Variants in ZNF385D observed in about 807,000 individuals in gnomAD.
ZNF385D encodes zinc finger protein 385D.
In ZNF385D, 15 loss-of-function variants were observed where a neutral mutation model predicts 35.8. The ratio of observed to expected loss-of-function variants is 0.42; its 90% CI spans 0.28 to 0.64. The LOEUF (loss-of-function observed/expected upper bound fraction) is 0.64, where lower values mean the gene tolerates loss of function less well. Among genes scored for constraint, ZNF385D ranks in the 30% least tolerant of loss-of-function variants. The pLI, the probability that ZNF385D is intolerant of heterozygous loss-of-function variation, is 0.23. For synonymous variants in ZNF385D, 212 were observed against 186.8 expected (o/e 1.13, Z -1.10); for missense variants, 474 against 494.6 (o/e 0.96, Z 0.39).
intron 2 of ZNF385D, among the ~76,000 whole-genome samples, chr3:22,303,815 T>C (rs1703053106): frequency 6.6e-6 from 1 of 152,174 alleles, no homozygotes; most frequent in South Asian, 2.1e-4. Context: ...TTTGCTCTTG[T>C]TGCCCAGGAT....
intron 3 of ZNF385D, among the ~76,000 whole-genome samples, chr3:22,083,455 A>C (rs893783788): frequency 6.6e-6 from 1 of 152,230 alleles, no homozygotes; most frequent in Non-Finnish European, 1.5e-5. Flanking sequence ...TCAGTAGCTG[A>C]TTCGATCAAC....
At chr3:21,869,849 T>C (rs1350533028) in intron 3 of ZNF385D, among the ~76,000 whole-genome samples, 1 of 152,050 alleles carries the variant, frequency 6.6e-6, no homozygotes. Flanking sequence ...TTAGAAGTAG[T>C]TCAATAAAGT....
chr3:21,855,668 G>A (rs1696669961), intron 3 of ZNF385D, among the ~76,000 whole-genome samples: 1 of 151,920 alleles, frequency 6.6e-6, no homozygotes, highest in Admixed American at 6.6e-5. Context: ...TCTCCATTTA[G>A]TCTACCCCCA....
At chr3:22,121,157 GAA>G (rs757130070) in intron 3 of ZNF385D, among the ~76,000 whole-genome samples, 1 of 152,168 alleles carries the variant, frequency 6.6e-6, no homozygotes, top group Non-Finnish European at 1.5e-5. Context: ...GCCAAAATCT[GAA>G]GAAGCATAAT....
chr3:22,335,463 C>T (rs1449825738), intron 2 of ZNF385D, among the ~76,000 whole-genome samples: 1 of 152,060 alleles, frequency 6.6e-6, no homozygotes, highest in East Asian at 1.9e-4. Flanking sequence ...TGTCTGATTC[C>T]TGACATCATT....
At chr3:21,941,560 T>G (rs912599030) in intron 3 of ZNF385D, among the ~76,000 whole-genome samples, 1 of 145,300 alleles carries the variant, frequency 6.9e-6, no homozygotes, top group African/African-American at 2.6e-5. Flanking sequence ...TGCAGTGGCA[T>G]GATCTCGGCT....
chr3:21,902,122 A>C (rs1018132684), intron 3 of ZNF385D, among the ~76,000 whole-genome samples: 2 of 152,126 alleles, frequency 1.3e-5, no homozygotes, highest in African/African-American at 2.4e-5. Context: ...TCATGACAAA[A>C]CATTTGTAGA....
chr3:21,578,240 T>A (rs1217596719), intron 2 of ZNF385D, among the ~76,000 whole-genome samples: 1 of 152,216 alleles, frequency 6.6e-6, no homozygotes, highest in Non-Finnish European at 1.5e-5. Context: ...CCTTGTTGAA[T>A]GAATAGTTTG....
chr3:21,757,835 G>T (rs9824595), intron 3 of ZNF385D, among the ~76,000 whole-genome samples: 103,520 of 152,096 alleles, frequency 0.68, 36,293 homozygotes, highest in East Asian at 0.9. Flanking sequence ...TAGACATAAA[G>T]GCAGAGACAT....
intron 4 of ZNF385D, among the ~76,000 whole-genome samples, chr3:21,437,701 C>CAAAGAAAAAAA (rs1553632263): frequency 1.0e-4 from 8 of 77,196 alleles, no homozygotes; most frequent in Non-Finnish European, 1.4e-4. Context: ...AATGCTTATA[C>CAAAGAAAAAAA]AAAAAAAAAA....
intron 1 of ZNF385D, among the ~76,000 whole-genome samples, chr3:21,694,643 T>A (rs2067408187): frequency 6.6e-6 from 1 of 152,204 alleles, no homozygotes; most frequent in Non-Finnish European, 1.5e-5. Flanking sequence ...ATCCCCTGCT[T>A]GGCAACTTGA....
chr3:21,980,747 T>C (rs1327305743), intron 3 of ZNF385D, among the ~76,000 whole-genome samples: 1 of 152,186 alleles, frequency 6.6e-6, no homozygotes, highest in African/African-American at 2.4e-5. Flanking sequence ...CCACAGTGTC[T>C]GTTGTTTCCT....
intron 2 of ZNF385D, among the ~76,000 whole-genome samples, chr3:22,369,791 C>T (rs1160789560): frequency 3.3e-5 from 5 of 151,504 alleles, no homozygotes; most frequent in African/African-American, 1.2e-4. Context: ...CTTGTTCTTA[C>T]TCCTACTTTT....
At chr3:21,886,634 G>T (rs1698562346) in intron 3 of ZNF385D, among the ~76,000 whole-genome samples, 1 of 152,074 alleles carries the variant, frequency 6.6e-6, no homozygotes, top group Non-Finnish European at 1.5e-5. Context: ...TACATTGTCT[G>T]TACTGAACTG....
At chr3:22,008,360 C>CATTTTTTTTTTTTTTTTTTTTT (rs773952386) in intron 3 of ZNF385D, among the ~76,000 whole-genome samples, 1 of 131,936 alleles carries the variant, frequency 7.6e-6, no homozygotes, top group Non-Finnish European at 1.6e-5. Flanking sequence ...CCATGATTTT[C>CATTTTTTTTTTTTTTTTTTTTT]TTTTTTTTTT....
intron 2 of ZNF385D, among the ~76,000 whole-genome samples, chr3:22,209,482 G>T (rs1179616686): frequency 6.6e-6 from 1 of 151,668 alleles, no homozygotes; most frequent in Non-Finnish European, 1.5e-5. Context: ...ATATGGTGTT[G>T]TGTTATTTAT....
chr3:22,236,916 T>C (rs1469434736), intron 2 of ZNF385D, among the ~76,000 whole-genome samples: 1 of 152,236 alleles, frequency 6.6e-6, no homozygotes. Context: ...TAGTACATTT[T>C]ATTTATCTAC....
intron 3 of ZNF385D, among the ~76,000 whole-genome samples, chr3:21,986,352 A>T (rs1694802523): frequency 9.9e-6 from 1 of 100,678 alleles, no homozygotes; most frequent in Admixed American, 8.5e-5. Context: ...TGTCCCAGAG[A>T]TTCTGGTATG....
chr3:22,020,060 A>C, intron 3 of ZNF385D, among the ~76,000 whole-genome samples: 1 of 152,024 alleles, frequency 6.6e-6, no homozygotes, highest in East Asian at 1.9e-4. Context: ...AACAAAATTC[A>C]TACAATTAAA....
Sources: gnomAD v4.1 joint callset for allele counts (sites outside exome capture counted in the v4.1 genomes callset) on GRCh38, gnomAD v4.1.1 for gene constraint, MANE v1.5 for transcripts, NCBI Gene and HGNC (gene_info 2026-07-23, HGNC 2026-07-21) for gene names.